Variants in TLE4 observed in about 807,000 individuals in gnomAD.
The protein encoded by TLE4 is TLE family member 4, transcriptional corepressor, also known as transducin-like enhancer protein 4.
TLE4 carries 8 observed loss-of-function variants against 92.8 expected under a neutral mutation model. That is an observed-to-expected ratio of 0.09 (90% CI 0.05 to 0.16). TLE4 has a LOEUF of 0.16. Ranked by LOEUF, TLE4 falls within the 10% of genes least tolerant of loss-of-function variation. The pLI, the probability that TLE4 is intolerant of heterozygous loss-of-function variation, is 1.00. For missense variants in TLE4, 675 were observed against 997.6 expected, an observed-to-expected ratio of 0.68 and a Z score of 4.36; for synonymous variants, 371 against 374.1, an observed-to-expected ratio of 0.99 and a Z score of 0.10.
At chr9:79,676,106 A>G (rs1290810269) in intron 8 of TLE4, among the ~76,000 whole-genome samples, 1 of 152,098 alleles carries the variant, frequency 6.6e-6, no homozygotes, top group African/African-American at 2.4e-5. Flanking sequence ...ACAATAAGGG[A>G]TAATGACTTT....
rs1240933726 is a variant in TLE4 at position 79,707,046 on chromosome 9, A to C, written c.936+147A>C. On this transcript the variant is annotated intron_variant, in intron 11 of 19. Transcript: ENST00000376552. ...GTTCGGTATTTAAGTTTAATTGGCA[A>C]AAGTATGTAGAGCAGAATAAGTTTA... 20 of 1,571,882 alleles carry C rather than the reference A, an allele frequency of 1.3e-5. No individual in the cohort carries two copies. The Admixed American group carries it at 3.5e-4, about 28-fold the overall frequency.
chr9:79,602,261 A>G (rs1287975971), intron 4 of TLE4, among the ~76,000 whole-genome samples: 4 of 152,258 alleles, frequency 2.6e-5, no homozygotes, highest in Non-Finnish European at 5.9e-5. Context: ...AGCTAAGATC[A>G]TTGATGAAGG....
chr9:79,636,713 G>A (rs759237671), intron 6 of TLE4, among the ~76,000 whole-genome samples: 5 of 151,926 alleles, frequency 3.3e-5, no homozygotes, highest in African/African-American at 7.3e-5. Context: ...TTTTATTGTC[G>A]TCATTGCACT....
At chr9:79,592,275 C>CTTT (rs1170642342) in intron 4 of TLE4, among the ~76,000 whole-genome samples, 6 of 106,918 alleles carry the variant, frequency 5.6e-5, no homozygotes, top group South Asian at 2.9e-4. Flanking sequence ...TCTTCTTCTT[C>CTTT]TTTTTTTTTT....
intron 4 of TLE4, among the ~76,000 whole-genome samples, chr9:79,597,535 G>A (rs899776932): frequency 1.3e-5 from 2 of 151,922 alleles, no homozygotes; most frequent in East Asian, 1.9e-4. Context: ...TGCCTTGAAT[G>A]TCTCATAGAT....
rs780055030 is a variant in TLE4 at position 79,704,839 on chromosome 9, C to G, written c.666C>G (p.Ser222=). The G allele has an allele frequency of 6.2e-7, 1 of 1,613,968 alleles. No individual in the cohort carries two copies. Among genetic ancestry groups the G allele is most frequent in the Non-Finnish European group, 8.5e-7 (1 of 1,180,024 alleles). ...SFRGAEKHRN[S]ADYSSESKKQ... is the part of the protein sequence containing the mutation. The stretch of plus-strand genomic sequence containing the variant: ...GAGGTGCTGAGAAGCACAGAAACTC[C>G]GCAGACTACTCCTCAGAGAGCAAAA... The change falls in exon 9 of 20, where the codon TCC becomes TCG. Residue 222 remains serine (S), a synonymous_variant. Coordinates refer to ENST00000376552, the MANE Select transcript of TLE4 (RefSeq NM_007005.6).
intron 16 of TLE4, among the ~76,000 whole-genome samples, 183 bp from the exon 17 acceptor site, chr9:79,721,558 C>T (rs927110787): frequency 2.0e-5 from 3 of 152,074 alleles, no homozygotes; most frequent in South Asian, 2.1e-4. Context: ...GCAAAAAGTA[C>T]AGGACATGTG....
intron 15 of TLE4, 76 bp from the exon 16 acceptor site, chr9:79,719,970 T>G: frequency 6.6e-7 from 1 of 1,521,840 alleles, no homozygotes; most frequent in Non-Finnish European, 8.9e-7. Context: ...ACAATACTTT[T>G]ATGGATTTCT....
At chr9:79,705,857 G>T (rs1309698024) in intron 9 of TLE4, 32 bp from the exon 10 acceptor site, 1 of 1,612,188 alleles carries the variant, frequency 6.2e-7, no homozygotes, top group African/African-American at 1.3e-5. Context: ...TTTGTGAGGG[G>T]AGAAGATAAT....
intron 8 of TLE4, among the ~76,000 whole-genome samples, chr9:79,679,283 G>A (rs920107198): frequency 1.3e-5 from 2 of 152,110 alleles, no homozygotes; most frequent in Non-Finnish European, 2.9e-5. Context: ...TCCAACACCT[G>A]TTGTTTCCTG....
At chr9:79,589,193 G>A (rs1215874716) in intron 4 of TLE4, among the ~76,000 whole-genome samples, 6 of 152,156 alleles carry the variant, frequency 3.9e-5, no homozygotes, top group South Asian at 2.1e-4. Flanking sequence ...TTTATGGCCC[G>A]GAGAGTTATA....
intron 4 of TLE4, among the ~76,000 whole-genome samples, chr9:79,592,029 G>A (rs1295135057): frequency 6.6e-6 from 1 of 152,144 alleles, no homozygotes; most frequent in Non-Finnish European, 1.5e-5. Flanking sequence ...GACTTTGCCA[G>A]GCAGCCTTTT....
chr9:79,638,873 G>A (rs2056550686), intron 6 of TLE4, among the ~76,000 whole-genome samples: 1 of 152,124 alleles, frequency 6.6e-6, no homozygotes, highest in African/African-American at 2.4e-5. Flanking sequence ...AAAGATAGAT[G>A]TCGAGGCAGG....
At chr9:79,667,624 C>T (rs775173389) in intron 8 of TLE4, among the ~76,000 whole-genome samples, 1 of 151,996 alleles carries the variant, frequency 6.6e-6, no homozygotes, top group African/African-American at 2.4e-5. Flanking sequence ...ATTAAAAATC[C>T]GAAATGCGTA....
intron 8 of TLE4, chr9:79,671,066 A>G (rs2062241918): frequency 3.9e-6 from 1 of 258,098 alleles, no homozygotes. Context: ...GCCTAAAAAA[A>G]AATCTACAAA....
At chr9:79,703,812 C>T (rs1473744548) in intron 8 of TLE4, among the ~76,000 whole-genome samples, 1 of 152,170 alleles carries the variant, frequency 6.6e-6, no homozygotes, top group Non-Finnish European at 1.5e-5. Flanking sequence ...TGGTGTTTTT[C>T]CTGCCACTCT....
At chr9:79,695,947 C>A (rs560314658) in intron 8 of TLE4, among the ~76,000 whole-genome samples, 162 of 152,264 alleles carry the variant, frequency 1.1e-3, no homozygotes, top group Non-Finnish European at 2.0e-3. Flanking sequence ...CTAGATGACA[C>A]CTGCTACTTA....
chr9:79,580,397 T>G (rs936315572), intron 4 of TLE4: 3 of 152,156 alleles, frequency 2.0e-5, no homozygotes, highest in African/African-American at 7.2e-5. Context: ...GTGAACTATT[T>G]TAGAAAGCAG....
At chr9:79,646,545 T>C (rs1004156441) in intron 6 of TLE4, among the ~76,000 whole-genome samples, 1 of 152,196 alleles carries the variant, frequency 6.6e-6, no homozygotes, top group Non-Finnish European at 1.5e-5. Context: ...TACTTAGCCA[T>C]TGGTGACTTA....
Sources: allele counts gnomAD v4.1 joint callset (sites outside exome capture counted in the v4.1 genomes callset), GRCh38; gene constraint gnomAD v4.1.1; transcripts MANE v1.5; gene names NCBI Gene and HGNC (gene_info 2026-07-23, HGNC 2026-07-21).